PCSK5: variants seen among roughly 807,000 people sequenced by gnomAD.
PCSK5 encodes the protein proprotein convertase subtilisin/kexin type 5, also known as prohormone convertase 5.
In PCSK5, 129 loss-of-function variants were observed where a neutral mutation model predicts 233.2. The ratio of observed to expected loss-of-function variants is 0.55; its 90% CI spans 0.48 to 0.64. The LOEUF is 0.64. Among genes scored for constraint, PCSK5 ranks in the 30% least tolerant of loss-of-function variants. PCSK5 has a pLI of 0.00. For missense variants in PCSK5, 2,076 were observed against 2,430.1 expected (o/e 0.85, Z 3.06); for synonymous variants, 825 against 879.2 (o/e 0.94, Z 1.09).
intron 25 of PCSK5, among the ~76,000 whole-genome samples, chr9:76,293,848 A>G (rs2131410267): frequency 6.6e-6 from 1 of 152,376 alleles, no homozygotes; most frequent in South Asian, 2.1e-4. Context: ...AAACAAACAT[A>G]TATAATCTTT....
intron 24 of PCSK5, among the ~76,000 whole-genome samples, chr9:76,264,210 G>A (rs745961725): frequency 3.3e-5 from 5 of 152,188 alleles, no homozygotes; most frequent in African/African-American, 7.2e-5. Flanking sequence ...AATGGGGAAA[G>A]CACTTCCTAT....
At chr9:75,942,970 T>A (rs1186902260) in intron 2 of PCSK5, among the ~76,000 whole-genome samples, 1 of 149,774 alleles carries the variant, frequency 6.7e-6, no homozygotes, top group Non-Finnish European at 1.5e-5. Flanking sequence ...CTGCAGCCTC[T>A]GCCTTCCGGG....
intron 13 of PCSK5, among the ~76,000 whole-genome samples, chr9:76,171,496 A>C (rs1823327998): frequency 6.6e-6 from 1 of 152,222 alleles, no homozygotes; most frequent in Non-Finnish European, 1.5e-5. Context: ...ACCACCAGAC[A>C]CCAGAAATTC....
intron 17 of PCSK5, among the ~76,000 whole-genome samples, chr9:76,186,202 T>C (rs1466431221): frequency 6.6e-6 from 1 of 152,204 alleles, no homozygotes; most frequent in African/African-American, 2.4e-5. Context: ...CAAAATCTGA[T>C]ATATATTTTA....
intron 2 of PCSK5, among the ~76,000 whole-genome samples, chr9:75,936,572 T>G (rs1278199306): frequency 6.6e-6 from 1 of 152,244 alleles, no homozygotes; most frequent in Non-Finnish European, 1.5e-5. Context: ...GTTCAGGTTT[T>G]ATCATGAGAT....
intron 3 of PCSK5, among the ~76,000 whole-genome samples, chr9:75,991,201 C>G (rs913567181): frequency 2.6e-5 from 4 of 152,138 alleles, no homozygotes; most frequent in South Asian, 2.1e-4. Flanking sequence ...TTACTTGTAA[C>G]GTAATTCTAC....
At position 76,361,605 on chromosome 9, in the gene PCSK5, G is replaced by A. The variant is rs1370651140; in HGVS notation, c.*2683G>A. The A allele has an allele frequency of 6.6e-6, 1 of 152,302 alleles. No individual in the cohort carries two copies. The allele number at this position is 152,302 out of a possible 1,614,324, so 9.4% of individuals were successfully genotyped here. ...TAGTCTCAGCTACTCAGGAGGCTAA[G>A]GTGGAAGGATCACTTGAACCCGGGA... On this transcript the variant is annotated 3_prime_UTR_variant, in exon 38 of 38. Transcript: ENST00000674117.
At chr9:76,154,593 T>G (rs1297828074) in intron 10 of PCSK5, among the ~76,000 whole-genome samples, 11 of 152,156 alleles carry the variant, frequency 7.2e-5, no homozygotes, top group Admixed American at 7.2e-4. Context: ...AATCGAATCT[T>G]TCATCTTATT....
intron 6 of PCSK5, among the ~76,000 whole-genome samples, chr9:76,068,296 CTAG>C (rs1397511667): frequency 1.3e-5 from 2 of 152,102 alleles, no homozygotes; most frequent in African/African-American, 4.8e-5. Context: ...AAAATGTTAT[CTAG>C]TAGTGAAGAT....
chr9:76,087,874 T>C (rs1289748644), intron 7 of PCSK5, among the ~76,000 whole-genome samples: 2 of 152,036 alleles, frequency 1.3e-5, no homozygotes, highest in Non-Finnish European at 2.9e-5. Context: ...GGGAGTGAAG[T>C]CATGTCGCAT....
At chr9:76,322,686 G>C (rs1234801134) in intron 31 of PCSK5, among the ~76,000 whole-genome samples, 3 of 152,248 alleles carry the variant, frequency 2.0e-5, no homozygotes, top group Non-Finnish European at 4.4e-5. Context: ...GTTGAAAACA[G>C]TGTGAGGTTC....
At chr9:76,144,424 G>C (rs1823356874) in intron 10 of PCSK5, among the ~76,000 whole-genome samples, 1 of 152,192 alleles carries the variant, frequency 6.6e-6, no homozygotes, top group Admixed American at 6.5e-5. Flanking sequence ...AATCAGAGAA[G>C]ATAGCTAAAA....
intron 34 of PCSK5, 44 bp from the exon 35 acceptor site, chr9:76,338,186 G>C (rs1270237951): frequency 1.4e-6 from 2 of 1,421,842 alleles, no homozygotes; most frequent in Non-Finnish European, 2.0e-6. Context: ...TCCAATTTAG[G>C]AGCAAAGCTT....
chr9:76,335,481 C>T (rs1829654366), intron 34 of PCSK5, among the ~76,000 whole-genome samples: 1 of 152,176 alleles, frequency 6.6e-6, no homozygotes, highest in South Asian at 2.1e-4. Context: ...TGCACCCTAT[C>T]CCAACCCACG....
intron 22 of PCSK5, among the ~76,000 whole-genome samples, chr9:76,234,536 C>T (rs899323101): frequency 5.9e-5 from 9 of 152,148 alleles, no homozygotes; most frequent in Admixed American, 4.6e-4. Flanking sequence ...CAGGCATTTG[C>T]AGGAGATCAG....
chr9:76,128,551 A>G (rs973473468), intron 9 of PCSK5, among the ~76,000 whole-genome samples: 1 of 152,216 alleles, frequency 6.6e-6, no homozygotes, highest in African/African-American at 2.4e-5. Context: ...TGTCTTTTAC[A>G]TGCAGTAAGT....
At chr9:75,967,982 A>G (rs897259192) in intron 2 of PCSK5, among the ~76,000 whole-genome samples, 8 of 152,180 alleles carry the variant, frequency 5.3e-5, no homozygotes, top group African/African-American at 1.9e-4. Context: ...GGCAGGTTTC[A>G]AACTCCCGAC....
intron 25 of PCSK5, among the ~76,000 whole-genome samples, chr9:76,294,099 A>G (rs1296256806): frequency 1.3e-5 from 2 of 151,500 alleles, no homozygotes; most frequent in Non-Finnish European, 2.9e-5. Flanking sequence ...CAGGAAGCTG[A>G]GGCAAGAGAA....
chr9:76,249,163 T>G (rs1826716513), intron 24 of PCSK5, among the ~76,000 whole-genome samples: 1 of 152,240 alleles, frequency 6.6e-6, no homozygotes, highest in Non-Finnish European at 1.5e-5. Context: ...ACAGTTTTGA[T>G]TGTCGTGACT....
Sources: allele counts gnomAD v4.1 joint callset (sites outside exome capture counted in the v4.1 genomes callset), GRCh38; gene constraint gnomAD v4.1.1; transcripts MANE v1.5; gene names NCBI Gene and HGNC (gene_info 2026-07-23, HGNC 2026-07-21).